Variants in SLC12A6 observed in about 807,000 individuals in gnomAD.
SLC12A6 encodes K-Cl cotransporter 3.
In SLC12A6, 66 loss-of-function variants were observed where a neutral mutation model predicts 135.3. The observed-to-expected ratio is 0.49, with a 90% CI of 0.40 to 0.60. The LOEUF is 0.60. Ranked by LOEUF, SLC12A6 falls within the 20% of genes least tolerant of loss-of-function variation. The pLI is 0.00. For synonymous variants in SLC12A6, 513 were observed against 508.8 expected, an observed-to-expected ratio of 1.01 and a Z score of -0.11; for missense variants, 1,058 against 1,452.3, an observed-to-expected ratio of 0.73 and a Z score of 4.41.
At chr15:34,323,232 T>C (rs1889238189) in intron 2 of SLC12A6, among the ~76,000 whole-genome samples, 1 of 152,034 alleles carries the variant, frequency 6.6e-6, no homozygotes, top group Non-Finnish European at 1.5e-5. Context: ...CAAAGGAAGA[T>C]ATGCAAACCA....
chr15:34,335,731 G>A (rs1406835690), intron 2 of SLC12A6, among the ~76,000 whole-genome samples: 1 of 152,128 alleles, frequency 6.6e-6, no homozygotes, highest in Non-Finnish European at 1.5e-5. Flanking sequence ...GCCAGGAGTG[G>A]CTTGTGTGCT....
intron 9 of SLC12A6, 131 bp downstream of exon 9, chr15:34,254,217 T>A: frequency 1.1e-6 from 1 of 938,346 alleles, no homozygotes; most frequent in South Asian, 1.3e-5. Context: ...AGGAAGGAAG[T>A]CTAACTGGGC....
At chr15:34,265,545 AGATC>A (rs1383539043) in intron 3 of SLC12A6, among the ~76,000 whole-genome samples, 1 of 152,238 alleles carries the variant, frequency 6.6e-6, no homozygotes, top group Non-Finnish European at 1.5e-5. Context: ...ACTTCATGTA[AGATC>A]ATTGGTGTGC....
Position 34,265,412 on chromosome 15 carries a change from A to C in SLC12A6, c.317-4392T>G, listed in dbSNP as rs74010041. Reference sequence around the variant, plus strand: ...AACAACAACAGCAATTAAAAAAAAAAAAACAAACAAAAAAGACAAAATAAA... The same window carrying C: ...AACAACAACAGCAATTAAAAAAAAACAAACAAACAAAAAAGACAAAATAAA... On this transcript the variant is annotated intron_variant, in intron 3 of 25. Coordinates refer to ENST00000354181, the MANE Select transcript of SLC12A6 (RefSeq NM_001365088.1). Among the ~76,000 whole-genome samples the C allele has an allele frequency of 2.6e-3, 394 of 150,818 alleles. 1 individual carries two copies. The highest frequency in any genetic ancestry group is 6.9e-3 in the Middle Eastern group (2 of 290).
At chr15:34,299,582 G>A (rs1896101677) in intron 2 of SLC12A6, 1 of 152,160 alleles carries the variant, frequency 6.6e-6, no homozygotes, top group Non-Finnish European at 1.5e-5. Context: ...ACATTTCCTG[G>A]AGTGATCACA....
intron 2 of SLC12A6, among the ~76,000 whole-genome samples, chr15:34,287,516 T>C (rs1310954192): frequency 6.6e-6 from 1 of 152,208 alleles, no homozygotes; most frequent in African/African-American, 2.4e-5. Context: ...CTGGGTCAAA[T>C]GGTATTTCTA....
At chr15:34,273,958 T>G (rs1366454769) in intron 3 of SLC12A6, among the ~76,000 whole-genome samples, 1 of 152,134 alleles carries the variant, frequency 6.6e-6, no homozygotes, top group African/African-American at 2.4e-5. Flanking sequence ...TTTTTAAACA[T>G]GTACATATCT....
At chr15:34,287,348 A>G (rs997766077) in intron 2 of SLC12A6, among the ~76,000 whole-genome samples, 37 of 152,158 alleles carry the variant, frequency 2.4e-4, no homozygotes, top group Non-Finnish European at 4.9e-4. Flanking sequence ...TCCATGGTGT[A>G]TATGTGCCAC....
Position 34,235,999 on chromosome 15 carries a change from G to C in SLC12A6, c.3227+16C>G. On this transcript the variant is annotated intron_variant, in intron 24 of 25. Transcript: ENST00000354181. The stretch of plus-strand genomic sequence containing the variant: ...TTAGGTAATTTTATGATAAACTTGG[G>C]AGTGGGAAAACTTACGGACGCATGT... The C allele has an allele frequency of 6.2e-7, 1 of 1,602,872 alleles. No homozygotes were observed. Among genetic ancestry groups the C allele is most frequent in the South Asian group, 1.1e-5 (1 of 90,868 alleles).
rs1892449978 is a variant in SLC12A6 at position 34,252,343 on chromosome 15, A to G, written c.1160T>C (p.Ile387Thr). The G allele has an allele frequency of 6.2e-7, 1 of 1,613,080 alleles. No homozygotes were observed. The highest frequency in any genetic ancestry group is 1.7e-5 in the Admixed American group (1 of 60,006). Residue 387 changes from isoleucine (I) to threonine (T), a missense_variant, in exon 10 of 26, where the codon ATT (isoleucine) becomes ACT (threonine). Around this residue, in one of 6 missense-constraint regions of SLC12A6, gnomAD observed 297 missense variants for 318.5 expected, o/e 0.93. Coordinates refer to ENST00000354181, the MANE Select transcript of SLC12A6 (RefSeq NM_001365088.1). ...TTCCTTGGTCTTAGAGCAAACGTCA[A>G]TGTGTCTTGATGAAAGGGTGCGGTT... ...LGNRTLSSRH[I>T]DVCSKTKEIN...
intron 6 of SLC12A6, among the ~76,000 whole-genome samples, chr15:34,256,772 C>T (rs1330631514): frequency 2.6e-5 from 4 of 151,998 alleles, no homozygotes; most frequent in African/African-American, 9.7e-5. Context: ...AGCTGGAGGC[C>T]GAGTGATTGG....
At chr15:34,332,202 T>G (rs1335519099) in intron 2 of SLC12A6, among the ~76,000 whole-genome samples, 1 of 152,246 alleles carries the variant, frequency 6.6e-6, no homozygotes, top group Non-Finnish European at 1.5e-5. Context: ...CTTTGTCTAT[T>G]AGATCATAAC....
intron 24 of SLC12A6, among the ~76,000 whole-genome samples, chr15:34,235,564 A>G (rs974658709): frequency 6.6e-6 from 1 of 150,454 alleles, no homozygotes; most frequent in Non-Finnish European, 1.5e-5. Flanking sequence ...CCTCCCGAGT[A>G]GCTGGGATTA....
At chr15:34,318,153 C>G (rs1020426752) in intron 2 of SLC12A6, among the ~76,000 whole-genome samples, 3 of 152,194 alleles carry the variant, frequency 2.0e-5, no homozygotes, top group Non-Finnish European at 4.4e-5. Flanking sequence ...CATGCTCCCT[C>G]TTTATATAAT....
Position 34,239,000 on chromosome 15 carries a change from T to C in SLC12A6, c.2597A>G (p.Gln866Arg). ...VVMGWPNGWR[Q>R]SEDARAWKTF... ...CTTCCAAGCGCGGGCATCTTCGCTTTGACGCCAGCCATTAGGCCAGCCCAT... is the reference window on the plus strand; with the variant it reads ...CTTCCAAGCGCGGGCATCTTCGCTTCGACGCCAGCCATTAGGCCAGCCCAT... Residue 866 changes from glutamine (Q) to arginine (R), a missense_variant, in exon 20 of 26, where the codon CAA becomes CGA. By Grantham distance (43) the Gln-to-Arg change is conservative (BLOSUM62 1). Coordinates refer to ENST00000354181, the MANE Select transcript of SLC12A6 (RefSeq NM_001365088.1). The C allele has an allele frequency of 6.2e-7, 1 of 1,614,196 alleles. No homozygotes were observed. The highest frequency in any genetic ancestry group is 8.5e-7 in the Non-Finnish European group (1 of 1,180,010).
intron 7 of SLC12A6, 117 bp from the exon 8 acceptor site, chr15:34,255,509 C>A: frequency 1.3e-6 from 1 of 766,010 alleles, no homozygotes; most frequent in Non-Finnish European, 2.2e-6. Flanking sequence ...CAGGCTTCTG[C>A]AAACCCTCAA....
intron 2 of SLC12A6, among the ~76,000 whole-genome samples, chr15:34,301,463 A>C: frequency 6.6e-6 from 1 of 152,180 alleles, no homozygotes; most frequent in Non-Finnish European, 1.5e-5. Context: ...TAGAGAAGGA[A>C]ACAGAGGGAA....
rs767329049 is a variant in SLC12A6 at position 34,241,301 on chromosome 15, C to T, written c.2199G>A (p.Leu733=). The change falls in exon 18 of 26, where the codon CTG becomes CTA. Residue 733 remains leucine, a synonymous_variant. Coordinates refer to ENST00000354181, the MANE Select transcript of SLC12A6 (RefSeq NM_001365088.1). ...AAGCAAACCGGGCTGCACTGAGGGA[C>T]AGCCCACGGATACCATCACCCCATT... is the stretch of plus-strand genomic sequence containing the variant. The part of the protein sequence containing the change: ...EKEWGDGIRG[L]SLSAARFALL... 2.5e-6 allele frequency: 4 copies of T among 1,609,584 alleles called. No homozygotes were observed. The highest frequency in any genetic ancestry group is 1.7e-4 in the Middle Eastern group (1 of 6,048).
chr15:34,303,714 T>C (rs747393300), intron 2 of SLC12A6, among the ~76,000 whole-genome samples: 5 of 152,100 alleles, frequency 3.3e-5, no homozygotes, highest in African/African-American at 1.2e-4. Flanking sequence ...TCAAGAGAGT[T>C]TGTAACAAAA....
Sources: allele counts gnomAD v4.1 joint callset (sites outside exome capture counted in the v4.1 genomes callset), GRCh38; gene constraint gnomAD v4.1.1; regional missense constraint gnomAD v4.1.1; transcripts MANE v1.5; gene names NCBI Gene and HGNC (gene_info 2026-07-23, HGNC 2026-07-21).